Variants in SVIL observed in about 807,000 individuals in gnomAD.
SVIL encodes the protein supervillin.
In SVIL, 101 loss-of-function variants were observed where a neutral mutation model predicts 240.4. That is an observed-to-expected ratio of 0.42 (90% CI 0.36 to 0.50). SVIL has a LOEUF of 0.50. Ranked by LOEUF, SVIL falls within the 20% of genes least tolerant of loss-of-function variation. SVIL has a pLI of 0.01. For missense variants in SVIL, 2,512 were observed against 2,818.7 expected (o/e 0.89, Z 2.46); for synonymous variants, 999 against 1,100.0 (o/e 0.91, Z 1.82).
chr10:29,686,914 C>G (rs61318928), intron 1 of SVIL, among the ~76,000 whole-genome samples: 2,561 of 152,192 alleles, frequency 0.017, 67 homozygotes, highest in African/African-American at 0.057. Context: ...CCACTTTAAC[C>G]AGGCTTTGCC....
intron 1 of SVIL, among the ~76,000 whole-genome samples, chr10:29,729,514 A>G (rs7070379): frequency 0.57 from 84,264 of 147,292 alleles, 24,673 homozygotes; most frequent in African/African-American, 0.69. Flanking sequence ...TGGTGTGTGT[A>G]GCAAGACAGA....
chr10:29,603,639 A>T (rs1271663626), intron 1 of SVIL, among the ~76,000 whole-genome samples: 1 of 152,194 alleles, frequency 6.6e-6, no homozygotes, highest in Admixed American at 6.5e-5. Flanking sequence ...AGGTGATGAA[A>T]TGATATAGGA....
chr10:29,666,140 ACTCCTGGCCT>A (rs1182487973), intron 2 of SVIL, among the ~76,000 whole-genome samples: 1 of 151,938 alleles, frequency 6.6e-6, no homozygotes, highest in African/African-American at 2.4e-5. Flanking sequence ...CTGGTCTCAA[ACTCCTGGCCT>A]CAAGTGATCC....
At chr10:29,659,093 C>A (rs189596981) in intron 2 of SVIL, among the ~76,000 whole-genome samples, 1 of 152,268 alleles carries the variant, frequency 6.6e-6, no homozygotes, top group East Asian at 1.9e-4. Context: ...CATGCATTTC[C>A]CCTTGTGGTT....
At chr10:29,518,721 TG>T (rs1454653487) in intron 16 of SVIL, among the ~76,000 whole-genome samples, 1 of 152,016 alleles carries the variant, frequency 6.6e-6, no homozygotes, top group Non-Finnish European at 1.5e-5. Context: ...CTGGTTATGG[TG>T]GTGGGCTCCT....
Position 29,595,155 on chromosome 10 carries a change from C to T in SVIL, c.-200-25843G>A, listed in dbSNP as rs990872326. On this transcript the variant is annotated intron_variant, in intron 1 of 37. Coordinates refer to ENST00000355867, the MANE Select transcript of SVIL (RefSeq NM_021738.3). The stretch of plus-strand genomic sequence containing the variant: ...CTCATGAGTGGGGCTCTAGCAGTCC[C>T]GCCTCTGTTCTGCGGGCATGGAAGG... 5.9e-5 allele frequency among the ~76,000 whole-genome samples: 9 copies of T among 152,120 alleles called. No homozygotes were observed. In the South Asian group the frequency reaches 6.2e-4, roughly 11 times the overall value.
chr10:29,655,002 T>C (rs1473860321), intron 3 of SVIL, among the ~76,000 whole-genome samples: 1 of 152,170 alleles, frequency 6.6e-6, no homozygotes, highest in Non-Finnish European at 1.5e-5. Context: ...CTACCACTCA[T>C]ACACCAATCT....
At chr10:29,541,636 T>C (rs1406260382) in intron 6 of SVIL, among the ~76,000 whole-genome samples, 1 of 151,778 alleles carries the variant, frequency 6.6e-6, no homozygotes, top group East Asian at 1.9e-4. Flanking sequence ...AGGGAGGAGG[T>C]ATGTGCAGAA....
chr10:29,463,881 A>AT (rs758712902), intron 34 of SVIL, among the ~76,000 whole-genome samples: 100 of 152,120 alleles, frequency 6.6e-4, no homozygotes, highest in Non-Finnish European at 1.3e-3. Context: ...GGTCTTTTTC[A>AT]TTCCTCGTCC....
At position 29,561,741 on chromosome 10, in the gene SVIL, C is replaced by T. The variant is rs376092878; in HGVS notation, c.-51+1460G>A. The stretch of plus-strand genomic sequence containing the variant: ...TGGGGGAGAGCCGATGCGAGCACAG[C>T]GTGGACCACCTCATTTCCAGGTACC... On this transcript the variant is annotated intron_variant, in intron 3 of 37. Transcript: ENST00000355867. Among the ~76,000 whole-genome samples, 283 of 152,282 alleles carry T rather than the reference C, an allele frequency of 1.9e-3. 9 individuals carry two copies. In the South Asian group the frequency reaches 0.055, roughly 30 times the overall value.
intron 1 of SVIL, among the ~76,000 whole-genome samples, chr10:29,593,276 C>A (rs1314457615): frequency 6.6e-6 from 1 of 152,208 alleles, no homozygotes; most frequent in African/African-American, 2.4e-5. Context: ...CAGTCCTCTG[C>A]AGGCTCTGAC....
At chr10:29,566,599 A>G (rs991017491) in intron 2 of SVIL, among the ~76,000 whole-genome samples, 1 of 152,210 alleles carries the variant, frequency 6.6e-6, no homozygotes, top group African/African-American at 2.4e-5. Flanking sequence ...ACCGATCATC[A>G]ATGAAAACAC....
chr10:29,584,180 G>A (rs753620389), intron 1 of SVIL, among the ~76,000 whole-genome samples: 5 of 152,332 alleles, frequency 3.3e-5, no homozygotes, highest in Middle Eastern at 3.4e-3. Flanking sequence ...GAAGAAGAGC[G>A]GACAGTGTGG....
At position 29,536,069 on chromosome 10, in the gene SVIL, A is replaced by G; in HGVS notation, c.828T>C (p.Ser276=). The change falls in exon 7 of 38, where the codon AGT becomes AGC. Residue 276 remains serine (S), a splice_region_variant and synonymous_variant. Coordinates refer to ENST00000355867, the MANE Select transcript of SVIL (RefSeq NM_021738.3). ...ACCACTCATGTTTGGGTTTCCCTGT[A>G]CTATTGTGTACAAAAAACAAAACCA... The part of the protein sequence containing the change: ...DPQLSPEARP[S]TGKPKHEWFL... The G allele has an allele frequency of 6.2e-7, 1 of 1,614,192 alleles. No homozygotes were observed.
chr10:29,670,432 G>C (rs1259166281), intron 2 of SVIL, among the ~76,000 whole-genome samples: 2 of 152,194 alleles, frequency 1.3e-5, no homozygotes, highest in African/African-American at 4.8e-5. Flanking sequence ...TAAAACAAAA[G>C]TATGTCAGCC....
At chr10:29,667,026 G>T (rs1959357656) in intron 2 of SVIL, among the ~76,000 whole-genome samples, 1 of 152,054 alleles carries the variant, frequency 6.6e-6, no homozygotes, top group Non-Finnish European at 1.5e-5. Flanking sequence ...ACATTTTGCT[G>T]GTTGGAATGC....
rs187795207 is a variant in SVIL at position 29,680,054 on chromosome 10, A to G, written c.-301+6499T>C. On this transcript the variant is annotated intron_variant, in intron 2 of 35. Transcript: ENST00000375400. Reference sequence around the variant, plus strand: ...ATTAAAAATTACCCGGCATAGTTGCATGTGCCTGTCATCCCAGCCACTTGG... The same window carrying G: ...ATTAAAAATTACCCGGCATAGTTGCGTGTGCCTGTCATCCCAGCCACTTGG... Among the ~76,000 whole-genome samples the G allele has an allele frequency of 2.1e-3, 322 of 152,116 alleles. 2 individuals carry two copies. The highest frequency in any genetic ancestry group is 7.4e-3 in the African/African-American group (308 of 41,504).
intron 1 of SVIL, among the ~76,000 whole-genome samples, chr10:29,699,736 G>T (rs946080035): frequency 2.0e-5 from 3 of 152,254 alleles, no homozygotes; most frequent in African/African-American, 7.2e-5. Context: ...GGCACTGAAG[G>T]TGAAGCCAGA....
At chr10:29,575,047 T>C (rs1426562226) in intron 1 of SVIL, among the ~76,000 whole-genome samples, 1 of 152,230 alleles carries the variant, frequency 6.6e-6, no homozygotes, top group African/African-American at 2.4e-5. Context: ...TCTCCCACCT[T>C]ACTGGAGAGG....
Sources: gnomAD v4.1 joint callset for allele counts (sites outside exome capture counted in the v4.1 genomes callset) on GRCh38, gnomAD v4.1.1 for gene constraint, MANE v1.5 for transcripts, NCBI Gene and HGNC (gene_info 2026-07-23, HGNC 2026-07-21) for gene names.